Variants in NKAIN4 observed in about 807,000 individuals in gnomAD.
NKAIN4 encodes the protein sodium/potassium transporting ATPase interacting 4, also known as sodium/potassium-transporting ATPase subunit beta-1-interacting protein 4.
A neutral mutation model predicts 28.8 loss-of-function variants in NKAIN4; 28 were observed. That is an observed-to-expected ratio of 0.97 (90% CI 0.72 to 1.33). The LOEUF (loss-of-function observed/expected upper bound fraction) is 1.33, where lower values mean the gene tolerates loss of function less well. NKAIN4 is among the 40% of genes most tolerant of loss of function. The pLI, the probability that NKAIN4 is intolerant of heterozygous loss-of-function variation, is 0.00. For missense variants in NKAIN4, 289 were observed against 277.2 expected (o/e 1.04, Z -0.30); for synonymous variants, 122 against 115.6 (o/e 1.06, Z -0.36).
rs530047912 is a variant in NKAIN4, at chr20:63,241,264, C to CTT, written c.*231_*232dup. 4.5e-4 allele frequency: 205 copies of CTT among 460,184 alleles called. No homozygotes were observed. The highest frequency in any genetic ancestry group is 1.8e-3 in the Middle Eastern group (3 of 1,674). The allele number at this position is 460,184 out of a possible 1,614,324, so 28.5% of individuals were successfully genotyped here. Reference sequence around the variant, plus strand: ...CCTTTTCTTTTGTATGTTTTCTTTTCTTTTTTTTTTTTAAGAGAAAGGAAA... The same window carrying CTT: ...CCTTTTCTTTTGTATGTTTTCTTTTCTTTTTTTTTTTTTTAAGAGAAAGGAAA... On this transcript the variant is annotated 3_prime_UTR_variant, in exon 7 of 7. Transcript: ENST00000370316.
At chr20:63,247,290 G>C in intron 4 of NKAIN4, 1 of 1,360,412 alleles carries the variant, frequency 7.4e-7, no homozygotes, top group Non-Finnish European at 9.5e-7. Flanking sequence ...GTCTCGGCCT[G>C]ATCCGATTCC....
At chr20:63,253,204 G>A in intron 1 of NKAIN4, 1 of 985,222 alleles carries the variant, frequency 1.0e-6, no homozygotes, top group Non-Finnish European at 1.2e-6. Flanking sequence ...TCCTGCCATT[G>A]AGGAGCCACT....
In NKAIN4 at chr20:63,247,793, G is replaced by T; in HGVS notation, c.274-18C>A. On this transcript the variant is annotated intron_variant, in intron 3 of 6. Coordinates refer to ENST00000370316, the MANE Select transcript of NKAIN4 (RefSeq NM_152864.4). ...TCGCTGTCCTAGGGGAGAGGTGCAG[G>T]AGCAGGGCCGGTTAGCACCAGGAGG... The T allele has an allele frequency of 7.0e-7, 1 of 1,434,378 alleles. No homozygotes were observed. The highest frequency in any genetic ancestry group is 1.6e-5 in the South Asian group (1 of 62,614). The allele number at this position is 1,434,378 out of a possible 1,614,324, so 88.9% of individuals were successfully genotyped here.
chr20:63,249,216 A>T (rs1182953900), intron 2 of NKAIN4: 1 of 377,246 alleles, frequency 2.7e-6, no homozygotes, highest in African/African-American at 2.1e-5. Context: ...CACCGGGCTG[A>T]CATTACACGT....
chr20:63,250,126 G>T, intron 1 of NKAIN4, 54 bp from the exon 2 acceptor site: 1 of 1,513,016 alleles, frequency 6.6e-7, no homozygotes, highest in East Asian at 2.5e-5. Flanking sequence ...CCCCAGGCCC[G>T]CCAGCCAGGT....
chr20:63,243,876 A>C, intron 5 of NKAIN4, 148 bp downstream of exon 5: 1 of 645,340 alleles, frequency 1.5e-6, no homozygotes, highest in Non-Finnish European at 2.7e-6. Context: ...GTCCTCGCTC[A>C]GGCCTACGGC....
chr20:63,251,982 T>A (rs1206034524), intron 1 of NKAIN4, among the ~76,000 whole-genome samples: 2 of 152,118 alleles, frequency 1.3e-5, no homozygotes, highest in East Asian at 3.9e-4. Flanking sequence ...GGGGAGCAGT[T>A]CTTGCCCTGG....
rs1283427190 is a variant in NKAIN4, at chr20:63,241,411, G to A, written c.*86C>T. 1.0e-5 allele frequency: 15 copies of A among 1,462,242 alleles called. No individual in the cohort carries two copies. The highest frequency in any genetic ancestry group is 4.9e-5 in the South Asian group (4 of 82,148). 90.6% of individuals were successfully genotyped at this position (1,462,242 alleles called of 1,614,324 possible). A position where few individuals can be genotyped will look rare whatever the true frequency, so the allele number is the denominator to read the frequency against. Reference sequence around the variant, plus strand: ...CCTGGGGGGTGCTGGGTGGGGGCGCGTCCCAAGGCCTGGGAGCTCCTGTCA... The same window carrying A: ...CCTGGGGGGTGCTGGGTGGGGGCGCATCCCAAGGCCTGGGAGCTCCTGTCA... On this transcript the variant is annotated 3_prime_UTR_variant, in exon 7 of 7. Coordinates refer to ENST00000370316, the MANE Select transcript of NKAIN4 (RefSeq NM_152864.4).
intron 4 of NKAIN4, chr20:63,246,463 G>A: frequency 2.0e-6 from 2 of 979,762 alleles, no homozygotes; most frequent in South Asian, 4.7e-5. Flanking sequence ...TTCCTGGCCT[G>A]ATTTCCTGCA....
intron 2 of NKAIN4, 104 bp from the exon 3 acceptor site, chr20:63,248,999 C>A: frequency 1.3e-6 from 1 of 773,576 alleles, no homozygotes; most frequent in South Asian, 1.4e-5. Context: ...ATAGGAGGGG[C>A]GGCCTCTGCT....
At chr20:63,250,116 C>T (rs1411274591) in intron 1 of NKAIN4, 44 bp from the exon 2 acceptor site, 16 of 1,521,740 alleles carry the variant, frequency 1.1e-5, no homozygotes, top group East Asian at 2.5e-5. Flanking sequence ...CCGAGGGAGG[C>T]CCCAGGCCCG....
At chr20:63,247,876 G>C in intron 3 of NKAIN4, 101 bp from the exon 4 acceptor site, 1 of 1,376,938 alleles carries the variant, frequency 7.3e-7, no homozygotes, top group South Asian at 1.9e-5. Flanking sequence ...GCAAGGGGAG[G>C]TCCTGTCCTC....
chr20:63,243,137 G>C (rs1413915337), intron 5 of NKAIN4, among the ~76,000 whole-genome samples: 2 of 152,194 alleles, frequency 1.3e-5, no homozygotes, highest in East Asian at 1.9e-4. Flanking sequence ...GTTCAAATGG[G>C]GTTCCCATCT....
chr20:63,243,875 C>CAGGCCTACGGCCGTGAGCA, intron 5 of NKAIN4, 149 bp downstream of exon 5: 3 of 644,962 alleles, frequency 4.7e-6, no homozygotes, highest in Non-Finnish European at 8.2e-6. Context: ...AGTCCTCGCT[C>CAGGCCTACGGCCGTGAGCA]AGGCCTACGG....
chr20:63,252,724 C>T lies in NKAIN4; in HGVS notation c.54+1673G>A, dbSNP rs1229201968. Among the ~76,000 whole-genome samples, 2 of 152,140 alleles carry T rather than the reference C, an allele frequency of 1.3e-5. No individual in the cohort carries two copies. The highest frequency in any genetic ancestry group is 4.8e-5 in the African/African-American group (2 of 41,418). On this transcript the variant is annotated intron_variant, in intron 1 of 6. Transcript: ENST00000370316. The surrounding 1 kb of genome is among the most constrained non-coding windows in gnomAD (Gnocchi z 4.6). ...CCCCAGGTCTGCTAGTGAAGCCCTG[C>T]GGCCCTCAAGCCAGGATGACTCTTT...
intron 1 of NKAIN4, chr20:63,253,070 G>A (rs964406541): frequency 3.0e-6 from 1 of 328,916 alleles, no homozygotes; most frequent in African/African-American, 2.2e-5. Context: ...TCCAAACTGG[G>A]GTACCGTCCA....
At position 63,241,262 on chromosome 20, in the gene NKAIN4, T is replaced by C. The variant is rs1443138632; in HGVS notation, c.*235A>G. The C allele has an allele frequency of 3.7e-6, 2 of 544,222 alleles. No homozygotes were observed. The highest frequency in any genetic ancestry group is 6.5e-6 in the Non-Finnish European group (2 of 307,040). 33.7% of individuals were successfully genotyped at this position (544,222 alleles called of 1,614,324 possible). On this transcript the variant is annotated 3_prime_UTR_variant, in exon 7 of 7. Transcript: ENST00000370316. The stretch of plus-strand genomic sequence containing the variant: ...TGCCTTTTCTTTTGTATGTTTTCTT[T>C]TCTTTTTTTTTTTTAAGAGAAAGGA...
rs201990095 is a variant in NKAIN4, at chr20:63,250,079, G to T, written c.55-7C>A. On this transcript the variant is annotated splice_polypyrimidine_tract_variant and splice_region_variant and intron_variant, in intron 1 of 6. Coordinates refer to ENST00000370316, the MANE Select transcript of NKAIN4 (RefSeq NM_152864.4). ...GCCTCTCCAGGGCGGCGACCTAGGA[G>T]CAGGGCGGGCGCCATGAAGGGTGGA... The T allele has an allele frequency of 1.3e-6, 2 of 1,558,416 alleles. No individual in the cohort carries two copies. Among genetic ancestry groups the T allele is most frequent in the Non-Finnish European group, 1.7e-6 (2 of 1,151,958 alleles).
At chr20:63,247,161 C>G in intron 4 of NKAIN4, 1 of 1,122,732 alleles carries the variant, frequency 8.9e-7, no homozygotes, top group South Asian at 2.2e-5. Flanking sequence ...GCTCTGTCCA[C>G]TTCCTGTGAC....
Sources: allele counts gnomAD v4.1 joint callset (sites outside exome capture counted in the v4.1 genomes callset), GRCh38; gene constraint gnomAD v4.1.1; non-coding constraint Gnocchi (gnomAD v3.1); transcripts MANE v1.5; gene names NCBI Gene and HGNC (gene_info 2026-07-23, HGNC 2026-07-21).